Variants in ZNF804A observed in about 807,000 individuals in gnomAD.
ZNF804A encodes the protein zinc finger protein 804A.
In ZNF804A, 2 loss-of-function variants were observed where a neutral mutation model predicts 16.5. The ratio of observed to expected loss-of-function variants is 0.12; its 90% CI spans 0.05 to 0.38. The LOEUF (loss-of-function observed/expected upper bound fraction) is 0.38. Ranked by LOEUF, ZNF804A falls within the 10% of genes least tolerant of loss-of-function variation. The pLI is 0.99. For synonymous variants in ZNF804A, 534 were observed against 489.6 expected, an observed-to-expected ratio of 1.09 and a Z score of -1.20; for missense variants, 1,473 against 1,390.7, an observed-to-expected ratio of 1.06 and a Z score of -0.94.
At chr2:184,660,273 A>G (rs1692149324) in intron 1 of ZNF804A, among the ~76,000 whole-genome samples, 1 of 152,222 alleles carries the variant, frequency 6.6e-6, no homozygotes, top group Non-Finnish European at 1.5e-5. Flanking sequence ...CTAGAATAGG[A>G]CATGTTTTTA....
At chr2:184,934,128 CT>C (rs940211676) in intron 3 of ZNF804A, among the ~76,000 whole-genome samples, 1 of 151,926 alleles carries the variant, frequency 6.6e-6, no homozygotes, top group Non-Finnish European at 1.5e-5. Context: ...ATTTGGAGAA[CT>C]TCTATTTAAA....
rs1480514464 is a variant in ZNF804A at position 184,606,937 on chromosome 2, T to G, written c.111+7867T>G. On this transcript the variant is annotated intron_variant, in intron 1 of 3. Coordinates refer to ENST00000302277, the MANE Select transcript of ZNF804A (RefSeq NM_194250.2). ...ACAGTGAAAATCAGTTTATAATATT[T>G]CTTTTATAATGAGCTAACTAAATGT... Among the ~76,000 whole-genome samples, 5 of 152,338 alleles carry G rather than the reference T, an allele frequency of 3.3e-5. No homozygotes were observed. The South Asian group carries it at 8.3e-4, about 25-fold the overall frequency.
At position 184,718,468 on chromosome 2, in the gene ZNF804A, C is replaced by A. The variant is rs115647712; in HGVS notation, c.111+119398C>A. On this transcript the variant is annotated intron_variant, in intron 1 of 3. Coordinates refer to ENST00000302277, the MANE Select transcript of ZNF804A (RefSeq NM_194250.2). ...AACTCAAAAGTCCATAGCCCAAAGA[C>A]TCATCTGAGACAAGGCAAGTCCCTT... Among the ~76,000 whole-genome samples the A allele has an allele frequency of 2.8e-3, 422 of 152,258 alleles. 8 individuals are homozygous for A. Among genetic ancestry groups the A allele is most frequent in the African/African-American group, 9.7e-3 (402 of 41,552 alleles).
intron 1 of ZNF804A, among the ~76,000 whole-genome samples, chr2:184,845,850 C>T (rs759534148): frequency 1.3e-5 from 2 of 152,038 alleles, no homozygotes; most frequent in Non-Finnish European, 2.9e-5. Context: ...TATTGGGCCA[C>T]GGTCAGCCTA....
At chr2:184,813,045 T>A (rs1007274932) in intron 1 of ZNF804A, among the ~76,000 whole-genome samples, 1 of 152,108 alleles carries the variant, frequency 6.6e-6, no homozygotes, top group Non-Finnish European at 1.5e-5. Context: ...TATAGTGAGG[T>A]GAATATCATC....
intron 1 of ZNF804A, among the ~76,000 whole-genome samples, chr2:184,635,493 T>C (rs1479323910): frequency 1.3e-5 from 2 of 152,152 alleles, no homozygotes; most frequent in Non-Finnish European, 2.9e-5. Context: ...TATATTTATA[T>C]GGCAAAAGTA....
chr2:184,827,389 T>C (rs926329271), intron 1 of ZNF804A, among the ~76,000 whole-genome samples: 10 of 148,104 alleles, frequency 6.8e-5, no homozygotes, highest in African/African-American at 2.5e-4. Context: ...ATAACACTCA[T>C]CCATTTAATT....
At chr2:184,723,293 G>A (rs1251638754) in intron 1 of ZNF804A, among the ~76,000 whole-genome samples, 4 of 151,728 alleles carry the variant, frequency 2.6e-5, no homozygotes, top group Non-Finnish European at 5.9e-5. Flanking sequence ...CACATAATTA[G>A]CAACAGGCTC....
At chr2:184,693,059 T>G (rs1465899464) in intron 1 of ZNF804A, among the ~76,000 whole-genome samples, 1 of 152,122 alleles carries the variant, frequency 6.6e-6, no homozygotes, top group Non-Finnish European at 1.5e-5. Flanking sequence ...ATATAAGAAG[T>G]GTCATCATAT....
chr2:184,741,941 G>A (rs1291877549), intron 1 of ZNF804A, among the ~76,000 whole-genome samples: 1 of 151,918 alleles, frequency 6.6e-6, no homozygotes, highest in Admixed American at 6.6e-5. Context: ...TTATAGAGAA[G>A]CAATACAGTC....
At position 184,938,403 on chromosome 2, in the gene ZNF804A, C is replaced by G. The variant is rs138725858; in HGVS notation, c.3007C>G (p.Pro1003Ala). The change falls in exon 4 of 4, where the codon CCA (proline) becomes GCA (alanine). Residue 1003 changes from proline (P) to alanine (A), a missense_variant. Pro to Ala is a conservative substitution (Grantham distance 27, BLOSUM62 -1). Coordinates refer to ENST00000302277, the MANE Select transcript of ZNF804A (RefSeq NM_194250.2). ...TAATTCAGGAATCCTTAACACACAACCACCATTACCATTCAAAGAAGCACA... is the reference window on the plus strand; with the variant it reads ...TAATTCAGGAATCCTTAACACACAAGCACCATTACCATTCAAAGAAGCACA... ...RYNSGILNTQ[P>A]PLPFKEAHVS... 3.1e-6 allele frequency: 5 copies of G among 1,613,986 alleles called. No homozygotes were observed. In the African/African-American group the frequency reaches 6.7e-5, roughly 22 times the overall value.
At chr2:184,754,313 CAATATGTGAA>C (rs1247880363) in intron 1 of ZNF804A, among the ~76,000 whole-genome samples, 1 of 151,824 alleles carries the variant, frequency 6.6e-6, no homozygotes, top group African/African-American at 2.4e-5. Flanking sequence ...AGACCTATAC[CAATATGTGAA>C]AACATTTGGG....
intron 1 of ZNF804A, among the ~76,000 whole-genome samples, chr2:184,783,696 A>T (rs1270068124): frequency 6.6e-6 from 1 of 151,854 alleles, no homozygotes; most frequent in East Asian, 1.9e-4. Context: ...ACATCTCTTT[A>T]ATCTCTGGCA....
chr2:184,601,670 TG>T (rs930580023), intron 1 of ZNF804A, among the ~76,000 whole-genome samples: 2 of 151,974 alleles, frequency 1.3e-5, no homozygotes, highest in Admixed American at 1.3e-4. Context: ...ATTTGAATTT[TG>T]CCATTAAAAA....
intron 1 of ZNF804A, among the ~76,000 whole-genome samples, chr2:184,794,892 C>T (rs187504056): frequency 1.7e-3 from 255 of 151,758 alleles, no homozygotes; most frequent in Non-Finnish European, 3.0e-3. Flanking sequence ...ATATATGCAC[C>T]TAACATACTG....
chr2:184,647,206 C>G (rs1261149366), intron 1 of ZNF804A, among the ~76,000 whole-genome samples: 2 of 152,264 alleles, frequency 1.3e-5, no homozygotes, highest in Admixed American at 1.3e-4. Context: ...AAAGAAAAAA[C>G]AACAATGATA....
rs137948152 is a variant in ZNF804A at position 184,916,041 on chromosome 2, A to T, written c.256-17562A>T. On this transcript the variant is annotated intron_variant, in intron 2 of 3. Transcript: ENST00000302277. ...TCTTTTGCATAGTGTCATTGAAGAG[A>T]GCTAAATTGATTCAGGAAATAGAGT... 1.1e-3 allele frequency among the ~76,000 whole-genome samples: 169 copies of T among 152,280 alleles called. 2 individuals are homozygous for T. The highest frequency in any genetic ancestry group is 5.9e-4 in the Non-Finnish European group (40 of 68,008).
At chr2:184,887,300 A>G (rs1025563369) in intron 2 of ZNF804A, among the ~76,000 whole-genome samples, 1 of 152,200 alleles carries the variant, frequency 6.6e-6, no homozygotes, top group Non-Finnish European at 1.5e-5. Context: ...ACCTTATTGT[A>G]CATATTGCTA....
intron 2 of ZNF804A, among the ~76,000 whole-genome samples, chr2:184,898,141 G>A (rs1682529840): frequency 6.6e-6 from 1 of 151,998 alleles, no homozygotes; most frequent in Admixed American, 6.6e-5. Context: ...TTTTATTCTT[G>A]AAAAGACACT....
Sources: allele counts gnomAD v4.1 joint callset (sites outside exome capture counted in the v4.1 genomes callset), GRCh38; gene constraint gnomAD v4.1.1; transcripts MANE v1.5; gene names NCBI Gene and HGNC (gene_info 2026-07-23, HGNC 2026-07-21).